DIP2C: variants seen among roughly 807,000 people sequenced by gnomAD.
DIP2C encodes the protein DIP2 acetate--CoA ligase C (putative), also known as disco-interacting protein 2 homolog C.
In DIP2C, 33 loss-of-function variants were observed where a neutral mutation model predicts 192.4. The ratio of observed to expected loss-of-function variants is 0.17; its 90% confidence interval spans 0.13 to 0.23. The LOEUF (loss-of-function observed/expected upper bound fraction) is 0.23. Among genes scored for constraint, DIP2C ranks in the 10% least tolerant of loss-of-function variants. DIP2C has a pLI of 1.00. For missense variants in DIP2C, 1,537 were observed against 2,110.1 expected (o/e 0.73, Z 5.32); for synonymous variants, 979 against 864.1 (o/e 1.13, Z -2.33).
chr10:552,708 G>C (rs1247003125), intron 1 of DIP2C, among the ~76,000 whole-genome samples: 1 of 152,208 alleles, frequency 6.6e-6, no homozygotes, highest in Non-Finnish European at 1.5e-5. Flanking sequence ...AAATTAGCCA[G>C]GTGTGGTGGT....
At chr10:401,025 G>A (rs1384890136) in intron 9 of DIP2C, among the ~76,000 whole-genome samples, 5 of 128,850 alleles carry the variant, frequency 3.9e-5, no homozygotes, top group African/African-American at 6.1e-5. Context: ...GATTTTACAC[G>A]TGTGGTAGCA....
At chr10:297,487 A>G (rs1280069082) in intron 32 of DIP2C, among the ~76,000 whole-genome samples, 2 of 152,228 alleles carry the variant, frequency 1.3e-5, no homozygotes, top group African/African-American at 4.8e-5. Flanking sequence ...AATAGGATTC[A>G]GCCATAACAG....
chr10:285,988 AAAG>A (rs1250417284), intron 34 of DIP2C, among the ~76,000 whole-genome samples: 1 of 152,264 alleles, frequency 6.6e-6, no homozygotes, highest in Non-Finnish European at 1.5e-5. Flanking sequence ...GCCAAGAAAT[AAAG>A]AAACTCAGTC....
intron 16 of DIP2C, among the ~76,000 whole-genome samples, chr10:383,451 T>G (rs1589666944): frequency 6.6e-6 from 1 of 152,236 alleles, no homozygotes; most frequent in African/African-American, 2.4e-5. Flanking sequence ...TAGGTTCTTG[T>G]TTCAGTTGGC....
chr10:291,047 G>A (rs1046269032), intron 32 of DIP2C, among the ~76,000 whole-genome samples: 1 of 152,246 alleles, frequency 6.6e-6, no homozygotes, highest in African/African-American at 2.4e-5. Flanking sequence ...AGCATTCCCA[G>A]ATCTTCCTTA....
chr10:397,497 T>C (rs1196413850), intron 10 of DIP2C, among the ~76,000 whole-genome samples: 1 of 144,770 alleles, frequency 6.9e-6, no homozygotes, highest in Admixed American at 7.0e-5. Flanking sequence ...GCCACTGCAC[T>C]CCAGCCTGGG....
At chr10:412,951 G>A (rs1263500463) in intron 8 of DIP2C, among the ~76,000 whole-genome samples, 3 of 152,164 alleles carry the variant, frequency 2.0e-5, no homozygotes, top group Non-Finnish European at 2.9e-5. Flanking sequence ...AACCATTTTG[G>A]TCCTTCAGTT....
Position 495,222 on chromosome 10 carries a change from G to A in DIP2C, c.86-8692C>T, listed in dbSNP as rs562408617. ...GGAATAGGGGTTAGCAGGGACTGGG[G>A]AAGGGGAAACAGGGAGATGCTGGTC... On this transcript the variant is annotated intron_variant, in intron 1 of 36. Transcript: ENST00000280886. Among the ~76,000 whole-genome samples, 6 of 152,300 alleles carry A rather than the reference G, an allele frequency of 3.9e-5. No individual in the cohort carries two copies. The South Asian group carries it at 1.2e-3, about 32-fold the overall frequency.
At chr10:359,022 C>T (rs1959193110) in intron 22 of DIP2C, among the ~76,000 whole-genome samples, 1 of 152,144 alleles carries the variant, frequency 6.6e-6, no homozygotes, top group Admixed American at 6.5e-5. Context: ...AGGCCACATG[C>T]TGCATTAGTT....
chr10:357,485 G>A (rs571526792), intron 23 of DIP2C, among the ~76,000 whole-genome samples: 200 of 152,350 alleles, frequency 1.3e-3, no homozygotes, highest in Middle Eastern at 6.8e-3. Context: ...CCTGCGAGTC[G>A]TGGGACTGGA....
chr10:388,937 G>C (rs188614054), intron 13 of DIP2C, among the ~76,000 whole-genome samples: 1 of 124,864 alleles, frequency 8.0e-6, no homozygotes, highest in South Asian at 3.2e-4. Flanking sequence ...CATCCTAAGG[G>C]ATCTCAGGGA....
At chr10:637,493 C>G (rs564708727) in intron 1 of DIP2C, among the ~76,000 whole-genome samples, 1 of 152,312 alleles carries the variant, frequency 6.6e-6, no homozygotes, top group East Asian at 1.9e-4. Flanking sequence ...TCACAGACGG[C>G]GCCTTCTCAC....
intron 1 of DIP2C, among the ~76,000 whole-genome samples, chr10:657,766 A>C (rs1290044890): frequency 8.8e-5 from 10 of 113,002 alleles, no homozygotes; most frequent in East Asian, 2.7e-4. Context: ...ACTGGACCTG[A>C]CGCTTGACCT....
chr10:456,532 C>T lies in DIP2C; in HGVS notation c.269-15536G>A, dbSNP rs143196293. On this transcript the variant is annotated intron_variant, in intron 3 of 36. Coordinates refer to ENST00000280886, the MANE Select transcript of DIP2C (RefSeq NM_014974.3). ...CGGAGCTGCCTCCTGGTGATTAAAA[C>T]ACTCTGCAAGTGCAAGAGCTTAAGA... 1.4e-3 allele frequency among the ~76,000 whole-genome samples: 212 copies of T among 152,362 alleles called. 1 individual carries two copies. The highest frequency in any genetic ancestry group is 4.8e-3 in the African/African-American group (200 of 41,580).
At chr10:320,719 G>C (rs1956967539) in intron 31 of DIP2C, among the ~76,000 whole-genome samples, 1 of 152,144 alleles carries the variant, frequency 6.6e-6, no homozygotes, top group Non-Finnish European at 1.5e-5. Context: ...AGGAGTTCAA[G>C]ACCAGCCTAG....
intron 14 of DIP2C, among the ~76,000 whole-genome samples, chr10:387,110 A>AAACAACCAGCTAC (rs1280441135): frequency 6.6e-6 from 1 of 152,218 alleles, no homozygotes; most frequent in Non-Finnish European, 1.5e-5. Flanking sequence ...AGCTAACCAG[A>AAACAACCAGCTAC]TGTACGGGAC....
intron 17 of DIP2C, among the ~76,000 whole-genome samples, chr10:375,923 G>A (rs1019826132): frequency 3.3e-5 from 5 of 152,080 alleles, no homozygotes; most frequent in East Asian, 1.9e-4. Context: ...CCTCAGCTTA[G>A]CAACAACGGC....
rs1564260551 is a variant in DIP2C, at chr10:607,115, GCTCT to G, written c.85+82375_85+82378del. Among the ~76,000 whole-genome samples the G allele has an allele frequency of 1.7e-4, 26 of 152,330 alleles. No homozygotes were observed. The East Asian group carries it at 4.8e-3, about 28-fold the overall frequency. On this transcript the variant is annotated intron_variant, in intron 1 of 36. Transcript: ENST00000280886. The stretch of plus-strand genomic sequence containing the variant: ...ACGGCACCCTGCTCACCTCGGTGGG[GCTCT>G]CCTGCCAAGGAGGATGGCCCTGAAG...
At chr10:365,580 A>G (rs1216998731) in intron 19 of DIP2C, among the ~76,000 whole-genome samples, 1 of 152,178 alleles carries the variant, frequency 6.6e-6, no homozygotes, top group African/African-American at 2.4e-5. Flanking sequence ...TGTATCCCCA[A>G]ACAATTTATA....
Sources: allele counts gnomAD v4.1 joint callset (sites outside exome capture counted in the v4.1 genomes callset), GRCh38; gene constraint gnomAD v4.1.1; transcripts MANE v1.5; gene names NCBI Gene and HGNC (gene_info 2026-07-23, HGNC 2026-07-21).